ZFHX3: variants seen among roughly 807,000 people sequenced by gnomAD.
ZFHX3 encodes zinc finger homeobox 3.
ZFHX3 carries 42 observed loss-of-function variants against 279.1 expected under a neutral mutation model. The observed-to-expected ratio is 0.15, with a 90% CI of 0.12 to 0.19. The LOEUF (loss-of-function observed/expected upper bound fraction) is 0.19, where lower values mean the gene tolerates loss of function less well. Among genes scored for constraint, ZFHX3 ranks in the 10% least tolerant of loss-of-function variants. ZFHX3 has a pLI of 1.00. For missense variants in ZFHX3, 4,981 were observed against 4,754.0 expected (o/e 1.05, Z -1.40); for synonymous variants, 2,293 against 1,957.8 (o/e 1.17, Z -4.52).
intron 4 of ZFHX3, among the ~76,000 whole-genome samples, chr16:72,864,855 A>C (rs1434309888): frequency 1.3e-5 from 2 of 152,212 alleles, no homozygotes; most frequent in African/African-American, 4.8e-5. Flanking sequence ...TGCCTAGCGC[A>C]ATCTAATGGA....
rs28622270 is a variant in ZFHX3, at chr16:73,812,199, A to G, written c.-1608+79452T>C. ...TGTATTCTCTAGGTACGAATTTCCC[A>G]TCACTGAAAGGATGCAAGCATGGGC... On this transcript the variant is annotated intron_variant, in intron 1 of 17. Transcript: ENST00000641206. Among the ~76,000 whole-genome samples, 280 of 152,244 alleles carry G rather than the reference A, an allele frequency of 1.8e-3. 3 individuals carry two copies. Among genetic ancestry groups the G allele is most frequent in the African/African-American group, 6.3e-3 (263 of 41,552 alleles).
At chr16:72,931,537 C>G (rs1274086925) in intron 3 of ZFHX3, among the ~76,000 whole-genome samples, 1 of 146,930 alleles carries the variant, frequency 6.8e-6, no homozygotes, top group African/African-American at 2.5e-5. Context: ...TTCCAACGTA[C>G]CGACAGGGAA....
intron 1 of ZFHX3, among the ~76,000 whole-genome samples, chr16:72,975,991 AC>A (rs1438632591): frequency 1.3e-5 from 2 of 152,148 alleles, no homozygotes; most frequent in Non-Finnish European, 1.5e-5. Context: ...CTTCCTGAAC[AC>A]CCTGGTTAGG....
intron 4 of ZFHX3, among the ~76,000 whole-genome samples, chr16:72,885,089 G>C (rs2038591243): frequency 6.6e-6 from 1 of 152,236 alleles, no homozygotes; most frequent in Non-Finnish European, 1.5e-5. Context: ...AAACAGGAAG[G>C]CCCAGCAGGC....
At chr16:73,146,049 C>T (rs2144840074) in intron 5 of ZFHX3, among the ~76,000 whole-genome samples, 1 of 152,156 alleles carries the variant, frequency 6.6e-6, no homozygotes, top group South Asian at 2.1e-4. Flanking sequence ...AACGAGGTTA[C>T]AAAACTGGAA....
At chr16:73,338,922 ACCTAC>A (rs1267667541) in intron 3 of ZFHX3, among the ~76,000 whole-genome samples, 1 of 152,058 alleles carries the variant, frequency 6.6e-6, no homozygotes, top group Non-Finnish European at 1.5e-5. Context: ...AATGTGTGGC[ACCTAC>A]CCCCTTGCTC....
chr16:72,876,423 C>T (rs80295325), intron 4 of ZFHX3, among the ~76,000 whole-genome samples: 1,829 of 152,220 alleles, frequency 0.012, 87 homozygotes, highest in South Asian at 0.11. Flanking sequence ...ATGCTGGCTA[C>T]GATTCAGCGC....
At chr16:73,798,349 G>A (rs1222429123) in intron 1 of ZFHX3, among the ~76,000 whole-genome samples, 1 of 151,806 alleles carries the variant, frequency 6.6e-6, no homozygotes, top group Non-Finnish European at 1.5e-5. Flanking sequence ...AGACCTTGAG[G>A]GCATGGGTGA....
intron 2 of ZFHX3, among the ~76,000 whole-genome samples, chr16:73,485,246 G>A (rs2018951995): frequency 6.6e-6 from 1 of 152,256 alleles, no homozygotes; most frequent in South Asian, 2.1e-4. Context: ...ATGGAGTGAG[G>A]AGGAAAATAG....
At chr16:73,883,177 A>G (rs2030230001) in intron 1 of ZFHX3, among the ~76,000 whole-genome samples, 1 of 152,134 alleles carries the variant, frequency 6.6e-6, no homozygotes, top group Non-Finnish European at 1.5e-5. Context: ...GACTTTTTAG[A>G]ACATCAAGAA....
At chr16:73,703,408 G>C (rs1307101904) in intron 1 of ZFHX3, among the ~76,000 whole-genome samples, 1 of 151,566 alleles carries the variant, frequency 6.6e-6, no homozygotes, top group Non-Finnish European at 1.5e-5. Flanking sequence ...TTTTTAAAAG[G>C]ATATATATTA....
At chr16:72,983,025 C>T (rs1249817936) in intron 1 of ZFHX3, among the ~76,000 whole-genome samples, 3 of 152,118 alleles carry the variant, frequency 2.0e-5, no homozygotes, top group Non-Finnish European at 4.4e-5. Flanking sequence ...AAGCAAAGTG[C>T]ACATATCTAT....
intron 3 of ZFHX3, among the ~76,000 whole-genome samples, chr16:73,342,610 G>C (rs962680772): frequency 6.6e-6 from 1 of 152,000 alleles, no homozygotes; most frequent in Non-Finnish European, 1.5e-5. Context: ...AGAAAGAAGA[G>C]GAAATAAACT....
intron 1 of ZFHX3, among the ~76,000 whole-genome samples, chr16:72,978,560 TG>T (rs1472078625): frequency 6.6e-6 from 1 of 152,124 alleles, no homozygotes; most frequent in African/African-American, 2.4e-5. Flanking sequence ...CCCAGAGGAT[TG>T]GAAGTGCTCT....
At chr16:73,884,645 CAG>C (rs1291320477) in intron 1 of ZFHX3, among the ~76,000 whole-genome samples, 2 of 152,148 alleles carry the variant, frequency 1.3e-5, no homozygotes, top group African/African-American at 2.4e-5. Context: ...TGGTGGCTTT[CAG>C]AGTCTTTATT....
intron 1 of ZFHX3, among the ~76,000 whole-genome samples, chr16:73,735,667 T>C (rs1290280046): frequency 1.3e-5 from 2 of 152,190 alleles, no homozygotes; most frequent in African/African-American, 4.8e-5. Context: ...GTAAGGTTCC[T>C]GAAAAGGCGC....
intron 3 of ZFHX3, among the ~76,000 whole-genome samples, chr16:73,371,627 C>A (rs1346435612): frequency 6.6e-6 from 1 of 152,090 alleles, no homozygotes; most frequent in African/African-American, 2.4e-5. Flanking sequence ...CTCAGTCCAT[C>A]TTGGTTTGCT....
intron 1 of ZFHX3, among the ~76,000 whole-genome samples, chr16:73,807,763 A>T (rs1223237225): frequency 2.0e-5 from 3 of 150,646 alleles, no homozygotes; most frequent in African/African-American, 7.3e-5. Flanking sequence ...AAGCCACTGC[A>T]CCCAGCCAAA....
chr16:73,000,757 C>T (rs556987209), intron 1 of ZFHX3, among the ~76,000 whole-genome samples: 137 of 152,308 alleles, frequency 9.0e-4, no homozygotes, highest in Non-Finnish European at 4.9e-4. Context: ...AAAAGGACAG[C>T]GGATGGGCGT....
Sources: allele counts gnomAD v4.1 joint callset (sites outside exome capture counted in the v4.1 genomes callset), GRCh38; gene constraint gnomAD v4.1.1; transcripts MANE v1.5; gene names NCBI Gene and HGNC (gene_info 2026-07-23, HGNC 2026-07-21).